Variants in CADPS2 observed in about 807,000 individuals in gnomAD.
CADPS2 encodes the protein calcium dependent secretion activator 2.
Under a neutral mutation model 172.5 loss-of-function variants are expected in CADPS2, and 93 were observed. The observed-to-expected ratio is 0.54, with a 90% CI of 0.46 to 0.64. CADPS2 has a LOEUF of 0.64. Ranked by LOEUF, CADPS2 falls within the 30% of genes least tolerant of loss-of-function variation. The pLI is 0.00. For synonymous variants in CADPS2, 546 were observed against 555.2 expected (o/e 0.98, Z 0.23); for missense variants, 1,420 against 1,565.9 (o/e 0.91, Z 1.57).
intron 8 of CADPS2, among the ~76,000 whole-genome samples, chr7:122,516,338 C>T (rs543572944): frequency 4.1e-4 from 63 of 152,170 alleles, no homozygotes; most frequent in Non-Finnish European, 7.4e-4. Context: ...AGTTCAAAAT[C>T]AGCTTAGGCA....
intron 1 of CADPS2, among the ~76,000 whole-genome samples, chr7:122,810,442 A>C (rs1188140427): frequency 6.6e-6 from 1 of 152,164 alleles, no homozygotes; most frequent in East Asian, 1.9e-4. Flanking sequence ...TCATTTCTCT[A>C]TGAAATTCTC....
At chr7:122,613,230 G>GA (rs1285573011) in intron 6 of CADPS2, among the ~76,000 whole-genome samples, 1 of 151,998 alleles carries the variant, frequency 6.6e-6, no homozygotes, top group Non-Finnish European at 1.5e-5. Flanking sequence ...TCAAGAAAGT[G>GA]AAAAAAATTC....
At chr7:122,445,789 C>A (rs1404839182) in intron 15 of CADPS2, among the ~76,000 whole-genome samples, 1 of 152,132 alleles carries the variant, frequency 6.6e-6, no homozygotes, top group East Asian at 1.9e-4. Context: ...CACTCCAGCC[C>A]TGAGACAGGG....
intron 14 of CADPS2, 76 bp from the exon 15 acceptor site, chr7:122,451,551 TA>T: frequency 1.2e-6 from 1 of 819,538 alleles, no homozygotes; most frequent in Non-Finnish European, 1.8e-6. Context: ...TATGTATATT[TA>T]AAAATCCAAG....
In CADPS2 at chr7:122,518,036, T is replaced by C. The variant is rs557989657; in HGVS notation, c.1476-4721A>G. ...TGGTATCTAAGGCCAAAATGATTTCTATTTCAGAAAAATATACAAAAGTTA... is the reference window on the plus strand; with the variant it reads ...TGGTATCTAAGGCCAAAATGATTTCCATTTCAGAAAAATATACAAAAGTTA... On this transcript the variant is annotated intron_variant, in intron 8 of 29. Transcript: ENST00000449022. 1.0e-3 allele frequency among the ~76,000 whole-genome samples: 155 copies of C among 152,020 alleles called. 1 individual carries two copies. The highest frequency in any genetic ancestry group is 1.5e-3 in the Non-Finnish European group (100 of 67,968).
intron 3 of CADPS2, among the ~76,000 whole-genome samples, chr7:122,641,028 T>C (rs2077584824): frequency 6.6e-6 from 1 of 152,106 alleles, no homozygotes; most frequent in Non-Finnish European, 1.5e-5. Flanking sequence ...CTCTGGGGAT[T>C]GTAATAGAGA....
chr7:122,417,935 T>A (rs898198464), intron 17 of CADPS2, among the ~76,000 whole-genome samples: 1 of 152,120 alleles, frequency 6.6e-6, no homozygotes, highest in African/African-American at 2.4e-5. Context: ...TGGTACAGTT[T>A]CAGGCGGGCA....
intron 4 of CADPS2, among the ~76,000 whole-genome samples, chr7:122,625,212 G>A (rs556878213): frequency 8.6e-5 from 13 of 152,028 alleles, no homozygotes; most frequent in South Asian, 2.1e-4. Flanking sequence ...CACCACGCCC[G>A]GCTAATTTTG....
intron 1 of CADPS2, among the ~76,000 whole-genome samples, chr7:122,737,381 G>A (rs905113464): frequency 6.6e-6 from 1 of 151,992 alleles, no homozygotes; most frequent in Non-Finnish European, 1.5e-5. Flanking sequence ...CTGCCATCAC[G>A]CCTTGCTAAT....
chr7:122,416,271 A>C, intron 17 of CADPS2, 107 bp from the exon 18 acceptor site: 2 of 510,078 alleles, frequency 3.9e-6, no homozygotes, highest in Non-Finnish European at 6.8e-6. Context: ...AGAAATAAGA[A>C]ATACAAATGA....
At chr7:122,359,334 T>A (rs2039832544) in intron 27 of CADPS2, among the ~76,000 whole-genome samples, 1 of 152,120 alleles carries the variant, frequency 6.6e-6, no homozygotes, top group Non-Finnish European at 1.5e-5. Flanking sequence ...ATGGTCATCC[T>A]GTAACCACTG....
chr7:122,491,763 A>T (rs1347098855), intron 9 of CADPS2, among the ~76,000 whole-genome samples: 1 of 152,176 alleles, frequency 6.6e-6, no homozygotes, highest in Non-Finnish European at 1.5e-5. Flanking sequence ...CTTTCACTTC[A>T]TGGTTTCTTA....
At chr7:122,432,200 A>G (rs2050025909) in intron 17 of CADPS2, among the ~76,000 whole-genome samples, 1 of 152,210 alleles carries the variant, frequency 6.6e-6, no homozygotes, top group Non-Finnish European at 1.5e-5. Flanking sequence ...AGATGCAAGT[A>G]TGAATCTCAT....
At chr7:122,851,985 CT>C (rs1174673884) in intron 1 of CADPS2, among the ~76,000 whole-genome samples, 1 of 152,186 alleles carries the variant, frequency 6.6e-6, no homozygotes. Flanking sequence ...ATTATCACCC[CT>C]ATATACAAAC....
intron 9 of CADPS2, among the ~76,000 whole-genome samples, chr7:122,504,800 T>C (rs1210970173): frequency 6.6e-6 from 1 of 152,142 alleles, no homozygotes; most frequent in South Asian, 2.1e-4. Context: ...CTCAAACTCC[T>C]GGCCTCAAGC....
At chr7:122,802,350 T>A (rs964995424) in intron 1 of CADPS2, among the ~76,000 whole-genome samples, 1 of 152,210 alleles carries the variant, frequency 6.6e-6, no homozygotes, top group African/African-American at 2.4e-5. Flanking sequence ...GTTTCCTGCC[T>A]CAGGCCCTGC....
At chr7:122,641,902 C>G (rs1418947721) in intron 3 of CADPS2, among the ~76,000 whole-genome samples, 1 of 151,140 alleles carries the variant, frequency 6.6e-6, no homozygotes, top group Non-Finnish European at 1.5e-5. Context: ...AAACAGATAT[C>G]ATTATGGGTA....
chr7:122,759,919 C>T (rs2093318084), intron 1 of CADPS2, among the ~76,000 whole-genome samples: 1 of 151,608 alleles, frequency 6.6e-6, no homozygotes, highest in Admixed American at 6.6e-5. Flanking sequence ...AACTACACAG[C>T]TAATATGAGT....
intron 1 of CADPS2, among the ~76,000 whole-genome samples, chr7:122,822,493 C>T (rs901525605): frequency 1.3e-5 from 2 of 151,550 alleles, no homozygotes; most frequent in Non-Finnish European, 2.9e-5. Flanking sequence ...ATTTTCGCCA[C>T]CCCAACACTT....
Sources: allele counts gnomAD v4.1 joint callset (sites outside exome capture counted in the v4.1 genomes callset), GRCh38; gene constraint gnomAD v4.1.1; transcripts MANE v1.5; gene names NCBI Gene and HGNC (gene_info 2026-07-23, HGNC 2026-07-21).